The following AP1M2 variants were observed in gnomAD, a reference collection of about 807,000 sequenced individuals.
The protein encoded by AP1M2 is AP-1 complex subunit mu-2.
Under a neutral mutation model 54.6 loss-of-function variants are expected in AP1M2, and 41 were observed. The ratio of observed to expected loss-of-function variants is 0.75; its 90% CI spans 0.59 to 0.97. The LOEUF is 0.97. Ranked by LOEUF, AP1M2 falls within the 50% of genes least tolerant of loss-of-function variation. The pLI, the probability that AP1M2 is intolerant of heterozygous loss-of-function variation, is 0.00. For synonymous variants in AP1M2, 219 were observed against 215.9 expected, an observed-to-expected ratio of 1.01 and a Z score of -0.13; for missense variants, 507 against 561.2, an observed-to-expected ratio of 0.90 and a Z score of 0.98.
At position 10,575,008 on chromosome 19, in the gene AP1M2, G is replaced by A. The variant is rs537168983; in HGVS notation, c.1069C>T (p.Arg357Ter). ...SFPGGKEYLM[R>*]AHFGLPSVEK... ...ACACTGGGGAGGCCAAAGTGGGCTC[G>A]CATCAAGTACTCCTTGCCCCCCTGA... is the stretch of plus-strand genomic sequence containing the variant. The change falls in exon 10 of 12, where the codon CGA becomes TGA. Residue 357 changes from arginine (R) to a stop codon, truncating the protein, a stop_gained. Coordinates refer to ENST00000250244, the MANE Select transcript of AP1M2 (RefSeq NM_005498.5). LOFTEE classifies it high-confidence loss of function. 2.9e-5 allele frequency: 44 copies of A among 1,538,360 alleles called. No individual in the cohort carries two copies. In the East Asian group the frequency reaches 7.1e-4, roughly 25 times the overall value.
chr19:10,586,454 A>T (rs1356272831), intron 1 of AP1M2, among the ~76,000 whole-genome samples: 9 of 61,524 alleles, frequency 1.5e-4, no homozygotes, highest in Admixed American at 8.2e-4. Flanking sequence ...GACTCTATTT[A>T]AAAAAAAAAA....
Position 10,581,483 on chromosome 19 carries a change from T to G in AP1M2, c.546+4A>C. The G allele has an allele frequency of 6.2e-7, 1 of 1,613,738 alleles. No individual in the cohort carries two copies. The highest frequency in any genetic ancestry group is 1.7e-5 in the Admixed American group (1 of 59,998). ...AGGGGTGCCGGGGAGGTGTGCAGGC[T>G]CACCAGCAGGTTGACAGACTCTATG... On this transcript the variant is annotated splice_donor_region_variant and intron_variant, in intron 5 of 11. Transcript: ENST00000250244.
rs755971087 is a variant in AP1M2, at chr19:10,577,361, C to T, written c.889-5G>A. 2 of 1,569,366 alleles carry T rather than the reference C, an allele frequency of 1.3e-6. No individual in the cohort carries two copies. Among genetic ancestry groups the T allele is most frequent in the Non-Finnish European group, 1.7e-6 (2 of 1,152,314 alleles). ...TTTCTTAAACTGCCCCTTGGCCTGT[C>T]AGGGGAGCGAGCATGGGGCACGAAG... is the stretch of plus-strand genomic sequence containing the variant. On this transcript the variant is annotated splice_region_variant and splice_polypyrimidine_tract_variant and intron_variant, in intron 8 of 11. Transcript: ENST00000250244.
intron 2 of AP1M2, 111 bp from the exon 3 acceptor site, chr19:10,583,784 GC>G (rs973748330): frequency 1.4e-6 from 2 of 1,479,632 alleles, no homozygotes; most frequent in African/African-American, 1.4e-5. Flanking sequence ...ACCTGCCCCT[GC>G]CCCCCAGCCT....
chr19:10,580,108 G>A (rs1038296871), intron 6 of AP1M2, among the ~76,000 whole-genome samples: 1 of 139,056 alleles, frequency 7.2e-6, no homozygotes, highest in East Asian at 2.1e-4. Flanking sequence ...ACTGGAGTGC[G>A]ATGGCACGTC....
chr19:10,581,767 C>G lies in AP1M2; in HGVS notation c.379G>C (p.Asp127His), dbSNP rs547770953. 60 of 1,613,566 alleles carry G rather than the reference C, an allele frequency of 3.7e-5. No individual in the cohort carries two copies. The South Asian group carries it at 6.3e-4, about 17-fold the overall frequency. ...LMDFGFPQTT[D>H]SKILQEYITQ... ...ACTCACTCCTGCAGGATCTTGCTGTCGGTGGTCTGCGGGAAGCCAAAGTCC... is the reference window on the plus strand; with the variant it reads ...ACTCACTCCTGCAGGATCTTGCTGTGGGTGGTCTGCGGGAAGCCAAAGTCC... Residue 127 changes from aspartate (D) to histidine (H), a missense_variant, in exon 4 of 12, where the codon GAC becomes CAC. Asp to His is a moderately conservative substitution (Grantham distance 81). Transcript: ENST00000250244.
intron 7 of AP1M2, among the ~76,000 whole-genome samples, chr19:10,579,264 A>C (rs1917355240): frequency 6.6e-6 from 1 of 151,696 alleles, no homozygotes; most frequent in Non-Finnish European, 1.5e-5. Flanking sequence ...AAAATGCAAA[A>C]AATTAGCTGG....
chr19:10,574,821 C>T, intron 10 of AP1M2, 83 bp downstream of exon 10: 1 of 1,477,772 alleles, frequency 6.8e-7, no homozygotes, highest in Non-Finnish European at 9.0e-7. Context: ...GGCCAGGGGA[C>T]TGAGGTGACT....
At chr19:10,577,503 G>C (rs1431227820) in intron 8 of AP1M2, 147 bp from the exon 9 acceptor site, 2 of 868,902 alleles carry the variant, frequency 2.3e-6, no homozygotes, top group African/African-American at 4.2e-5. Flanking sequence ...GCGCGATCTC[G>C]GCTGGCTGTA....
At position 10,587,268 on chromosome 19, in the gene AP1M2, C is replaced by T; in HGVS notation, c.-37G>A. 1 of 1,555,822 alleles carries T rather than the reference C, an allele frequency of 6.4e-7. No individual in the cohort carries two copies. The highest frequency in any genetic ancestry group is 8.7e-7 in the Non-Finnish European group (1 of 1,149,774). On this transcript the variant is annotated 5_prime_UTR_variant, in exon 1 of 12. Coordinates refer to ENST00000250244, the MANE Select transcript of AP1M2 (RefSeq NM_005498.5). ...AAGGACTTAGGAGTCGGGGAGGGAG[C>T]GCCGGGAGGCGATGGCGGCGCCGCT...
chr19:10,577,091 C>G, intron 9 of AP1M2, 107 bp downstream of exon 9: 2 of 1,280,096 alleles, frequency 1.6e-6, no homozygotes, highest in Non-Finnish European at 2.2e-6. Flanking sequence ...TCACACCTGA[C>G]TGGGTCTCTG....
At chr19:10,580,136 C>T (rs2144762817) in intron 6 of AP1M2, among the ~76,000 whole-genome samples, 1 of 150,164 alleles carries the variant, frequency 6.7e-6, no homozygotes, top group Non-Finnish European at 1.5e-5. Context: ...ACCGCAACCT[C>T]CACCTCCCGA....
chr19:10,585,297 A>AAGAAGGAAGGAAGGAAAGAAAG (rs1917609801), intron 1 of AP1M2, among the ~76,000 whole-genome samples: 1 of 129,584 alleles, frequency 7.7e-6, no homozygotes, highest in Non-Finnish European at 1.7e-5. Context: ...GAAAGAAAGA[A>AAGAAGGAAGGAAGGAAAGAAAG]AGAAAGAAAG....
intron 6 of AP1M2, 111 bp from the exon 7 acceptor site, chr19:10,579,969 G>T (rs1917380650): frequency 6.0e-6 from 7 of 1,167,398 alleles, no homozygotes; most frequent in Non-Finnish European, 6.9e-6. Flanking sequence ...GGAAACTGGG[G>T]CCCAGAGAGA....
chr19:10,577,734 CT>C (rs61052727), intron 8 of AP1M2, among the ~76,000 whole-genome samples: 175 of 113,512 alleles, frequency 1.5e-3, no homozygotes, highest in African/African-American at 1.6e-3. Flanking sequence ...CATGCTTGGC[CT>C]TTTTTTTTTT....
chr19:10,574,461 C>T lies in AP1M2; in HGVS notation c.1205G>A (p.Gly402Asp). 2 of 1,564,600 alleles carry T rather than the reference C, an allele frequency of 1.3e-6. No homozygotes were observed. The highest frequency in any genetic ancestry group is 1.7e-6 in the Non-Finnish European group (2 of 1,154,682). Residue 402 changes from glycine (G) to aspartate (D), a missense_variant, in exon 11 of 12, where the codon GGT (glycine) becomes GAT (aspartate). By Grantham distance (94) the Gly-to-Asp change is moderately conservative (BLOSUM62 -1). Coordinates refer to ENST00000250244, the MANE Select transcript of AP1M2 (RefSeq NM_005498.5). Reference protein sequence around the residue: ...VRYMKIIEKSGYQALPWVRYI... With the variant: ...VRYMKIIEKSDYQALPWVRYI... Reference sequence around the variant, plus strand: ...GCGAACCCAGGGCAGGGCCTGGTAACCACTTTTCTCAATGATCTTCATGTA... The same window carrying T: ...GCGAACCCAGGGCAGGGCCTGGTAATCACTTTTCTCAATGATCTTCATGTA...
chr19:10,579,638 G>A (rs1917368086), intron 7 of AP1M2, 78 bp downstream of exon 7: 4 of 1,468,072 alleles, frequency 2.7e-6, no homozygotes, highest in Admixed American at 2.3e-5. Flanking sequence ...ACAGGCGTGA[G>A]CCACTGCGCT....
intron 6 of AP1M2, 84 bp downstream of exon 6, chr19:10,581,182 C>A: frequency 6.6e-7 from 1 of 1,510,726 alleles, no homozygotes; most frequent in South Asian, 1.3e-5. Context: ...TCAAAACGGG[C>A]TGCGATTCTC....
chr19:10,582,486 C>T (rs1917499847), intron 3 of AP1M2, among the ~76,000 whole-genome samples: 1 of 151,544 alleles, frequency 6.6e-6, no homozygotes. Context: ...CATGGTGGCT[C>T]ATGCCTGTAA....
Sources: gnomAD v4.1 joint callset for allele counts (sites outside exome capture counted in the v4.1 genomes callset) on GRCh38, gnomAD v4.1.1 for gene constraint, MANE v1.5 for transcripts, NCBI Gene and HGNC (gene_info 2026-07-23, HGNC 2026-07-21) for gene names.